The following TMEM196 variants were observed in gnomAD, a reference collection of about 807,000 sequenced individuals.
TMEM196 encodes transmembrane protein 196.
Under a neutral mutation model 20.0 loss-of-function variants are expected in TMEM196, and 17 were observed. That is an observed-to-expected ratio of 0.85 (90% CI 0.58 to 1.27). The LOEUF is 1.27. Ranked by LOEUF, TMEM196 falls within the 50% of genes most tolerant of loss-of-function variation. The pLI is 0.00. For missense variants in TMEM196, 267 were observed against 223.0 expected (o/e 1.20, Z -1.26); for synonymous variants, 113 against 88.9 (o/e 1.27, Z -1.52).
chr7:19,727,529 CCTA>C lies in TMEM196; in HGVS notation c.205-1764_205-1762del, dbSNP rs566793429. 3.4e-3 allele frequency among the ~76,000 whole-genome samples: 524 copies of C among 152,188 alleles called. 13 individuals carry two copies. In the Middle Eastern group the frequency reaches 0.051, roughly 15 times the overall value. On this transcript the variant is annotated intron_variant, in intron 2 of 4. Transcript: ENST00000405844. The stretch of plus-strand genomic sequence containing the variant: ...ATCAGTTACCAAATAATTAAATCAT[CCTA>C]CTAAGTGTAAACTTGTAGCTCAAGA...
chr7:19,756,519 C>G (rs888547730), intron 1 of TMEM196, among the ~76,000 whole-genome samples: 5 of 151,962 alleles, frequency 3.3e-5, no homozygotes, highest in Non-Finnish European at 2.9e-5. Context: ...CTCCCTCCTC[C>G]CATCGTCCAC....
At chr7:19,769,402 A>G (rs575608454) in intron 1 of TMEM196, among the ~76,000 whole-genome samples, 11 of 152,108 alleles carry the variant, frequency 7.2e-5, no homozygotes, top group African/African-American at 2.2e-4. Context: ...TCTGGCCCCA[A>G]TCATTTTTTC....
intron 4 of TMEM196, among the ~76,000 whole-genome samples, chr7:19,722,460 C>G (rs59980928): frequency 6.6e-6 from 1 of 152,174 alleles, no homozygotes; most frequent in Non-Finnish European, 1.5e-5. Flanking sequence ...TGGTTAAATG[C>G]GCAAGTTTTT....
intron 1 of TMEM196, among the ~76,000 whole-genome samples, chr7:19,735,615 A>T (rs1784371324): frequency 6.6e-6 from 1 of 152,164 alleles, no homozygotes; most frequent in African/African-American, 2.4e-5. Flanking sequence ...GAATTATGTA[A>T]TGGAAAATTT....
At chr7:19,745,449 G>C (rs564518097) in intron 1 of TMEM196, among the ~76,000 whole-genome samples, 18 of 151,984 alleles carry the variant, frequency 1.2e-4, no homozygotes, top group African/African-American at 4.3e-4. Context: ...TAATGAGTAT[G>C]CCTGTCACCT....
chr7:19,747,279 AT>A (rs1359514445), intron 1 of TMEM196, among the ~76,000 whole-genome samples: 6 of 81,614 alleles, frequency 7.4e-5, no homozygotes, highest in East Asian at 6.8e-3. Context: ...ATAAAATAAA[AT>A]AAAAATAAAA....
chr7:19,734,009 T>C (rs1276668121), intron 1 of TMEM196, among the ~76,000 whole-genome samples: 2 of 152,080 alleles, frequency 1.3e-5, no homozygotes, highest in Non-Finnish European at 2.9e-5. Context: ...CATGGGAGGA[T>C]ACCCTCCACC....
rs1240859226 is a variant in TMEM196 at position 19,720,763 on chromosome 7, A to G, written c.*1365T>C. On this transcript the variant is annotated 3_prime_UTR_variant, in exon 5 of 5. Coordinates refer to ENST00000405844, the MANE Select transcript of TMEM196 (RefSeq NM_001363562.2). ...CAAAGAATTCTTTCAGGATCTTTGGATATAGGCTTTCTTATATATGGACTG... is the reference window on the plus strand; with the variant it reads ...CAAAGAATTCTTTCAGGATCTTTGGGTATAGGCTTTCTTATATATGGACTG... 6.6e-6 allele frequency: 1 copy of G among 151,886 alleles called. No individual in the cohort carries two copies. The highest frequency in any genetic ancestry group is 2.4e-5 in the African/African-American group (1 of 41,420). 9.4% of individuals were successfully genotyped at this position (151,886 alleles called of 1,614,324 possible).
intron 2 of TMEM196, among the ~76,000 whole-genome samples, chr7:19,726,271 T>C (rs1295855456): frequency 6.6e-6 from 1 of 152,336 alleles, no homozygotes; most frequent in African/African-American, 2.4e-5. Context: ...ACTTTCACTG[T>C]GTCAGTCCTT....
intron 1 of TMEM196, among the ~76,000 whole-genome samples, chr7:19,748,644 G>T (rs1027379317): frequency 5.3e-5 from 8 of 152,126 alleles, no homozygotes; most frequent in African/African-American, 1.4e-4. Flanking sequence ...CTTCAGGAGG[G>T]AATATCAAAA....
intron 1 of TMEM196, among the ~76,000 whole-genome samples, chr7:19,731,491 A>G (rs1784200250): frequency 6.6e-6 from 1 of 152,070 alleles, no homozygotes; most frequent in African/African-American, 2.4e-5. Context: ...TTCAAGCTTC[A>G]GATCAAAGCT....
chr7:19,741,536 C>G (rs976644381), intron 1 of TMEM196, among the ~76,000 whole-genome samples: 5 of 152,108 alleles, frequency 3.3e-5, no homozygotes, highest in Non-Finnish European at 1.5e-5. Context: ...TAGATTAATT[C>G]TTTTCTGAAT....
chr7:19,743,071 C>G (rs949239767), intron 1 of TMEM196, among the ~76,000 whole-genome samples: 2 of 152,086 alleles, frequency 1.3e-5, no homozygotes, highest in African/African-American at 4.8e-5. Context: ...ACCTTTTATG[C>G]CTTTGCATGG....
intron 1 of TMEM196, among the ~76,000 whole-genome samples, chr7:19,757,300 A>G (rs182446635): frequency 6.8e-6 from 1 of 146,414 alleles, no homozygotes; most frequent in Non-Finnish European, 1.5e-5. Context: ...CAGCCACCCA[A>G]GTAACTGGGA....
chr7:19,722,460 C>T (rs59980928), intron 4 of TMEM196, among the ~76,000 whole-genome samples: 1 of 152,056 alleles, frequency 6.6e-6, no homozygotes, highest in Non-Finnish European at 1.5e-5. Flanking sequence ...TGGTTAAATG[C>T]GCAAGTTTTT....
At chr7:19,748,422 T>C (rs1487581392) in intron 1 of TMEM196, among the ~76,000 whole-genome samples, 1 of 152,202 alleles carries the variant, frequency 6.6e-6, no homozygotes, top group Non-Finnish European at 1.5e-5. Flanking sequence ...GTGTTGTCTC[T>C]ATACACACAA....
chr7:19,758,195 G>C (rs1311619262), intron 1 of TMEM196, among the ~76,000 whole-genome samples: 1 of 151,996 alleles, frequency 6.6e-6, no homozygotes, highest in East Asian at 1.9e-4. Context: ...TATCCAAATT[G>C]ATCAATAGCT....
At chr7:19,763,023 C>G (rs986760761) in intron 1 of TMEM196, among the ~76,000 whole-genome samples, 1 of 152,176 alleles carries the variant, frequency 6.6e-6, no homozygotes, top group African/African-American at 2.4e-5. Context: ...ATGACAATTA[C>G]CAACTTTTTC....
At chr7:19,743,601 T>A (rs577488113) in intron 1 of TMEM196, among the ~76,000 whole-genome samples, 1 of 152,150 alleles carries the variant, frequency 6.6e-6, no homozygotes, top group Non-Finnish European at 1.5e-5. Flanking sequence ...GGGTTGGAAA[T>A]AGTAAGCTAG....
Sources: allele counts gnomAD v4.1 joint callset (sites outside exome capture counted in the v4.1 genomes callset), GRCh38; gene constraint gnomAD v4.1.1; transcripts MANE v1.5; gene names NCBI Gene and HGNC (gene_info 2026-07-23, HGNC 2026-07-21).